Variants in CARF observed in about 807,000 individuals in gnomAD.
The protein encoded by CARF is calcium-responsive transcription factor.
A neutral mutation model predicts 82.0 loss-of-function variants in CARF; 57 were observed. That is an observed-to-expected ratio of 0.70 (90% CI 0.56 to 0.87). The LOEUF is 0.87. CARF is among the 40% of genes least tolerant of loss of function. The pLI, the probability that CARF is intolerant of heterozygous loss-of-function variation, is 0.00. For synonymous variants in CARF, 268 were observed against 290.1 expected (o/e 0.92, Z 0.77); for missense variants, 771 against 855.8 (o/e 0.90, Z 1.24).
intron 1 of CARF, among the ~76,000 whole-genome samples, chr2:202,917,210 C>CAAAAAAAAAAAAA (rs71034203): frequency 1.1e-4 from 5 of 47,004 alleles, no homozygotes; most frequent in Non-Finnish European, 1.7e-4. Context: ...GACTCCGTCT[C>CAAAAAAAAAAAAA]AAAAAAAAAA....
At chr2:202,982,495 C>A in intron 16 of CARF, 54 bp downstream of exon 16, 2 of 1,584,228 alleles carry the variant, frequency 1.3e-6, no homozygotes, top group Non-Finnish European at 1.7e-6. Context: ...GGATTATCAT[C>A]ACTATATTAT....
intron 2 of CARF, among the ~76,000 whole-genome samples, chr2:202,920,062 G>C (rs898317535): frequency 8.6e-5 from 13 of 151,976 alleles, no homozygotes; most frequent in South Asian, 4.1e-4. Flanking sequence ...TCACAGAATA[G>C]TAGAGTGATT....
At chr2:202,917,065 G>A (rs78981013) in intron 1 of CARF, among the ~76,000 whole-genome samples, 1 of 151,730 alleles carries the variant, frequency 6.6e-6, no homozygotes, top group African/African-American at 2.4e-5. Flanking sequence ...AAAAAAATTA[G>A]CCGGGCGTAG....
chr2:202,957,004 GTC>G (rs1432522575), intron 8 of CARF, among the ~76,000 whole-genome samples: 13 of 152,016 alleles, frequency 8.6e-5, no homozygotes, highest in African/African-American at 3.1e-4. Flanking sequence ...TGTCAGGCTG[GTC>G]TCGAACTCCC....
At chr2:202,953,089 G>A (rs545426077) in intron 6 of CARF, among the ~76,000 whole-genome samples, 3 of 151,942 alleles carry the variant, frequency 2.0e-5, no homozygotes, top group East Asian at 1.9e-4. Context: ...GCATGATCTC[G>A]GCTTACTGCA....
chr2:202,968,099 A>T (rs954946561), intron 10 of CARF, among the ~76,000 whole-genome samples: 7 of 152,172 alleles, frequency 4.6e-5, no homozygotes, highest in African/African-American at 1.7e-4. Context: ...CACATCTCAC[A>T]TTATAAATAC....
rs780775245 is a variant in CARF, at chr2:202,988,145, T to C, written c.*4521T>C. Among the ~76,000 whole-genome samples the C allele has an allele frequency of 2.6e-5, 4 of 152,208 alleles. No individual in the cohort carries two copies. Among genetic ancestry groups the C allele is most frequent in the Non-Finnish European group, 4.4e-5 (3 of 68,036 alleles). On this transcript the variant is annotated 3_prime_UTR_variant, in exon 17 of 17. Transcript: ENST00000438828. ...TTGTTGCATTTATGAATAAATCATT[T>C]ATCTGCTGCTGAGTAGAACTGCATT...
intron 5 of CARF, among the ~76,000 whole-genome samples, chr2:202,951,510 ATGGAAGTCTGATGCTTCCAGACTTTT>A (rs2058752377): frequency 6.6e-6 from 1 of 152,130 alleles, no homozygotes; most frequent in Non-Finnish European, 1.5e-5. Context: ...TGTGGTGCTG[ATGGAAGTCTGATGCTTCCAGACTTTT>A]TGGAAGTCTG....
At chr2:202,940,586 T>C (rs1439864248) in intron 3 of CARF, among the ~76,000 whole-genome samples, 1 of 152,184 alleles carries the variant, frequency 6.6e-6, no homozygotes, top group Non-Finnish European at 1.5e-5. Context: ...GGGTTTGTTT[T>C]TCTCCAAATA....
intron 5 of CARF, among the ~76,000 whole-genome samples, chr2:202,944,495 A>T (rs2058394634): frequency 6.6e-6 from 1 of 152,172 alleles, no homozygotes; most frequent in Admixed American, 6.5e-5. Context: ...TCTAGAGTTA[A>T]TCTGTGCCAT....
intron 2 of CARF, 88 bp downstream of exon 2, chr2:202,918,131 T>C: frequency 2.5e-6 from 1 of 404,968 alleles, no homozygotes; most frequent in Non-Finnish European, 4.8e-6. Context: ...CAAATTACCC[T>C]TTGTATATAG....
At chr2:202,972,237 C>T (rs899281463) in intron 12 of CARF, among the ~76,000 whole-genome samples, 8 of 151,734 alleles carry the variant, frequency 5.3e-5, no homozygotes, top group Non-Finnish European at 8.8e-5. Context: ...TATATAATTA[C>T]TTATTTTGTG....
At position 202,988,057 on chromosome 2, in the gene CARF, A is replaced by C. The variant is rs1301254722; in HGVS notation, c.*4433A>C. ...CAGTTTGCTACAAATGAAATCACAT[A>C]ATATGAACCTTTTTTGGTCTAGCTT... On this transcript the variant is annotated 3_prime_UTR_variant, in exon 17 of 17. Coordinates refer to ENST00000438828, the MANE Select transcript of CARF (RefSeq NM_024744.17). Among the ~76,000 whole-genome samples the C allele has an allele frequency of 3.3e-5, 5 of 152,224 alleles. No homozygotes were observed. Among genetic ancestry groups the C allele is most frequent in the Admixed American group, 1.3e-4 (2 of 15,282 alleles).
rs2060469265 is a variant in CARF at position 202,986,903 on chromosome 2, T to TATATAC, written c.*3284_*3285insCATATA. 1.2e-5 allele frequency: 1 copy of TATATAC among 84,574 alleles called. No individual in the cohort carries two copies. The highest frequency in any genetic ancestry group is 3.2e-4 in the East Asian group (1 of 3,174). 5.2% of individuals were successfully genotyped at this position (84,574 alleles called of 1,614,324 possible). On this transcript the variant is annotated 3_prime_UTR_variant, in exon 17 of 17. Transcript: ENST00000438828. ...ATATATATATATATATATATATATATATATAGCAACTTGATGTATAGTGTC... is the reference window on the plus strand; with the variant it reads ...ATATATATATATATATATATATATATATATACATATAGCAACTTGATGTATAGTGTC...
At chr2:202,956,819 C>T (rs528777667) in intron 8 of CARF, among the ~76,000 whole-genome samples, 4 of 152,016 alleles carry the variant, frequency 2.6e-5, no homozygotes, top group Admixed American at 6.6e-5. Flanking sequence ...GATGGAGTCT[C>T]GCTCTGTCAC....
At chr2:202,919,291 T>A (rs1347630032) in intron 2 of CARF, among the ~76,000 whole-genome samples, 2 of 152,220 alleles carry the variant, frequency 1.3e-5, no homozygotes, top group Admixed American at 6.5e-5. Context: ...GAAAAAGGGC[T>A]TATTAACATC....
intron 8 of CARF, among the ~76,000 whole-genome samples, chr2:202,959,055 A>G (rs959168215): frequency 2.0e-5 from 3 of 152,074 alleles, no homozygotes; most frequent in Non-Finnish European, 4.4e-5. Context: ...ACTAAAGTGT[A>G]TTAACTGGAC....
At chr2:202,981,396 G>A (rs552898203) in intron 14 of CARF, among the ~76,000 whole-genome samples, 159 bp from the exon 15 acceptor site, 123 of 152,252 alleles carry the variant, frequency 8.1e-4, no homozygotes, top group African/African-American at 2.8e-3. Flanking sequence ...AGACTGGTAG[G>A]GTCAGGGACC....
chr2:202,983,809 A>C lies in CARF; in HGVS notation c.*185A>C. 1 of 523,440 alleles carries C rather than the reference A, an allele frequency of 1.9e-6. No homozygotes were observed. The highest frequency in any genetic ancestry group is 3.4e-5 in the East Asian group (1 of 29,074). The allele number at this position is 523,440 out of a possible 1,614,324, so 32.4% of individuals were successfully genotyped here. A position where few individuals can be genotyped will look rare whatever the true frequency, so the allele number is the denominator to read the frequency against. ...TTTTACCTTCCTTAAGAGATGTTTT[A>C]CTCTTCTTATTTTGTATAATTTTTA... On this transcript the variant is annotated 3_prime_UTR_variant, in exon 17 of 17. Coordinates refer to ENST00000438828, the MANE Select transcript of CARF (RefSeq NM_024744.17).
Sources: allele counts gnomAD v4.1 joint callset (sites outside exome capture counted in the v4.1 genomes callset), GRCh38; gene constraint gnomAD v4.1.1; transcripts MANE v1.5; gene names NCBI Gene and HGNC (gene_info 2026-07-23, HGNC 2026-07-21).